NT5DC4: variants seen among roughly 807,000 people sequenced by gnomAD.
NT5DC4 encodes 5'-nucleotidase domain-containing protein 4.
A neutral mutation model predicts 26.6 loss-of-function variants in NT5DC4; 44 were observed. That is an observed-to-expected ratio of 1.65 (90% CI 1.30 to 2.13). NT5DC4 has a LOEUF of 2.13. Ranked by LOEUF, NT5DC4 falls within the 30% of genes most tolerant of loss-of-function variation. The pLI, the probability that NT5DC4 is intolerant of heterozygous loss-of-function variation, is 0.00. For missense variants in NT5DC4, 399 were observed against 228.1 expected, an observed-to-expected ratio of 1.75 and a Z score of -4.83; for synonymous variants, 157 against 86.7, an observed-to-expected ratio of 1.81 and a Z score of -4.51.
chr2:112,730,192 A>G (rs1213512516), intron 16 of NT5DC4, among the ~76,000 whole-genome samples: 1 of 151,124 alleles, frequency 6.6e-6, no homozygotes, highest in East Asian at 2.0e-4. Context: ...GGAAGCCTCT[A>G]GTCCCAGCTA....
chr2:112,722,856 C>T (rs2104711772), intron 6 of NT5DC4, 85 bp downstream of exon 6: 2 of 440,166 alleles, frequency 4.5e-6, no homozygotes, highest in Non-Finnish European at 9.1e-6. Context: ...CCCCCAAGGG[C>T]TCCCCAAGAG....
chr2:112,724,764 G>A lies in NT5DC4; in HGVS notation c.790-17G>A, dbSNP rs1305183920. On this transcript the variant is annotated splice_polypyrimidine_tract_variant and intron_variant, in intron 10 of 16. Transcript: ENST00000688554. ...TTACCAGGCTGTGTGTGTGCAGCCC[G>A]TGTGCACCCCCAACAGGCTGAAGCC... is the stretch of plus-strand genomic sequence containing the variant. 10 of 716,730 alleles carry A rather than the reference G, an allele frequency of 1.4e-5. 1 individual carries two copies. The highest frequency in any genetic ancestry group is 1.2e-4 in the South Asian group (8 of 67,580). The allele number at this position is 716,730 out of a possible 1,614,324, so 44.4% of individuals were successfully genotyped here.
Position 112,725,542 on chromosome 2 carries a change from C to T in NT5DC4, c.1143C>T (p.Ala381=), listed in dbSNP as rs1677592890. The T allele has an allele frequency of 1.4e-6, 1 of 708,048 alleles. No homozygotes were observed. 43.9% of individuals were successfully genotyped at this position (708,048 alleles called of 1,614,324 possible). A position where few individuals can be genotyped will look rare whatever the true frequency, so the allele number is the denominator to read the frequency against. ...TGTCCTGGGAGCTGGACATCTGGGC[C>T]CAGGAGAAGGGTGAGCTGTTGGGGT... ...PELSWELDIW[A]QEKERLEELK... The change falls in exon 13 of 17, where the codon GCC becomes GCT. Residue 381 remains alanine (A), a synonymous_variant. Transcript: ENST00000688554.
At chr2:112,734,169 A>ATATATATGTGTGTGTGTGTG (rs150412692) in intron 16 of NT5DC4, among the ~76,000 whole-genome samples, 18 of 134,864 alleles carry the variant, frequency 1.3e-4, no homozygotes, top group South Asian at 1.0e-3. Flanking sequence ...TATTATATAT[A>ATATATATGTGTGTGTGTGTG]TGTGTGTGTG....
chr2:112,722,844 G>GC (rs1308836110), intron 6 of NT5DC4, 73 bp downstream of exon 6: 29 of 715,086 alleles, frequency 4.1e-5, no homozygotes, highest in Admixed American at 8.0e-5. Flanking sequence ...CCAAAGAGGG[G>GC]CCCCCCAAGG....
At chr2:112,733,504 C>T (rs1276935415) in intron 16 of NT5DC4, among the ~76,000 whole-genome samples, 1 of 152,212 alleles carries the variant, frequency 6.6e-6, no homozygotes, top group African/African-American at 2.4e-5. Flanking sequence ...GTCCAACTTC[C>T]AATCCGTGAC....
chr2:112,739,087 T>C lies in NT5DC4; in HGVS notation c.*151T>C, dbSNP rs1679651491. ...AGAGATGCATTAAAAACCTTATCAT[T>C]TAAAAAAATTATCTTTATTATTTTT... On this transcript the variant is annotated 3_prime_UTR_variant, in exon 17 of 17. Coordinates refer to ENST00000688554, the MANE Select transcript of NT5DC4 (RefSeq NM_001393655.1). 1 of 1,430,780 alleles carries C rather than the reference T, an allele frequency of 7.0e-7. No individual in the cohort carries two copies. 88.6% of individuals were successfully genotyped at this position (1,430,780 alleles called of 1,614,324 possible).
chr2:112,725,518 G>C lies in NT5DC4; in HGVS notation c.1119G>C (p.Leu373=), dbSNP rs1677590140. ...GGACTTGCCTGGTGGTTCCTGAGCTGTCCTGGGAGCTGGACATCTGGGCCC... is the reference window on the plus strand; with the variant it reads ...GGACTTGCCTGGTGGTTCCTGAGCTCTCCTGGGAGCTGGACATCTGGGCCC... ...GWRTCLVVPE[L]SWELDIWAQE... is the part of the protein sequence containing the mutation. The change falls in exon 13 of 17, where the codon CTG becomes CTC. Residue 373 remains leucine, a synonymous_variant. Coordinates refer to ENST00000688554, the MANE Select transcript of NT5DC4 (RefSeq NM_001393655.1). 2.8e-6 allele frequency: 2 copies of C among 715,752 alleles called. No individual in the cohort carries two copies. The highest frequency in any genetic ancestry group is 2.0e-5 in the Admixed American group (1 of 49,882). 44.3% of individuals were successfully genotyped at this position (715,752 alleles called of 1,614,324 possible).
upstream of NT5DC4, among the ~76,000 whole-genome samples, chr2:112,719,365 A>G (rs1676619840): frequency 1.3e-5 from 2 of 148,334 alleles, no homozygotes; most frequent in African/African-American, 4.9e-5. Context: ...TTCCATGGAT[A>G]TGTTTTTCTG....
At chr2:112,723,675 C>T (rs754789357) in intron 8 of NT5DC4, 44 bp from the exon 9 acceptor site, 4 of 710,780 alleles carry the variant, frequency 5.6e-6, no homozygotes, top group Non-Finnish European at 1.0e-5. Flanking sequence ...CCCAGGGCAG[C>T]TCTGGGAGTC....
chr2:112,724,606 C>A, intron 10 of NT5DC4, 175 bp from the exon 11 acceptor site: 1 of 609,692 alleles, frequency 1.6e-6, no homozygotes, highest in East Asian at 2.8e-5. Context: ...TTGAGCACTT[C>A]CTAGTGCCCA....
Position 112,724,687 on chromosome 2 carries a change from T to C in NT5DC4, c.790-94T>C, listed in dbSNP as rs987791680. 7.4e-6 allele frequency: 5 copies of C among 674,510 alleles called. No individual in the cohort carries two copies. The African/African-American group carries it at 8.9e-5, about 12-fold the overall frequency. The allele number at this position is 674,510 out of a possible 1,614,324, so 41.8% of individuals were successfully genotyped here. A position where few individuals can be genotyped will look rare whatever the true frequency, so the allele number is the denominator to read the frequency against. On this transcript the variant is annotated intron_variant, in intron 10 of 16. Coordinates refer to ENST00000688554, the MANE Select transcript of NT5DC4 (RefSeq NM_001393655.1). ...GAAGAGGTCTCATCCAGCTGGGAGG[T>C]TGGTGGGGAGAGGCAGGCTGTGGTG...
upstream of NT5DC4, among the ~76,000 whole-genome samples, chr2:112,719,986 C>CTTTCT (rs1676738061): frequency 1.3e-5 from 1 of 75,272 alleles, no homozygotes; most frequent in Non-Finnish European, 2.8e-5. Flanking sequence ...TTCTTTCTTT[C>CTTTCT]TTTTTCTTTT....
rs987377649 is a variant in NT5DC4, at chr2:112,722,805, C to A, written c.527+34C>A. 6 of 715,792 alleles carry A rather than the reference C, an allele frequency of 8.4e-6. No homozygotes were observed. The African/African-American group carries it at 1.1e-4, about 13-fold the overall frequency. The allele number at this position is 715,792 out of a possible 1,614,324, so 44.3% of individuals were successfully genotyped here. ...TGTGCCCTGCCCAGCCCTGGGACGACCAGTAGGACACTGCTCAGGGACCAA... is the reference window on the plus strand; with the variant it reads ...TGTGCCCTGCCCAGCCCTGGGACGAACAGTAGGACACTGCTCAGGGACCAA... On this transcript the variant is annotated intron_variant, in intron 6 of 16. Coordinates refer to ENST00000688554, the MANE Select transcript of NT5DC4 (RefSeq NM_001393655.1).
chr2:112,731,917 C>CTTTT (rs749249208), intron 16 of NT5DC4, among the ~76,000 whole-genome samples: 51 of 108,604 alleles, frequency 4.7e-4, no homozygotes, highest in Admixed American at 1.1e-3. Flanking sequence ...AGAGAGTTTA[C>CTTTT]TTTTTTTTTT....
chr2:112,726,877 A>C (rs1290895297), intron 15 of NT5DC4, 139 bp downstream of exon 15: 4 of 665,016 alleles, frequency 6.0e-6, no homozygotes, highest in Non-Finnish European at 1.1e-5. Flanking sequence ...CCTGGGCTCC[A>C]CCTGCCTTGT....
At chr2:112,724,747 C>CTT (rs1357213671) in intron 10 of NT5DC4, 34 bp from the exon 11 acceptor site, 3 of 715,488 alleles carry the variant, frequency 4.2e-6, no homozygotes, top group South Asian at 1.5e-5. Context: ...ATTTACCAGG[C>CTT]TGTGTGTGTG....
At chr2:112,730,615 T>C (rs1411156919) in intron 16 of NT5DC4, among the ~76,000 whole-genome samples, 1 of 152,220 alleles carries the variant, frequency 6.6e-6, no homozygotes, top group African/African-American at 2.4e-5. Flanking sequence ...CGTTGGGTTC[T>C]GCACCCCCAA....
At chr2:112,735,038 AT>A (rs70965024) in intron 16 of NT5DC4, among the ~76,000 whole-genome samples, 792 of 94,436 alleles carry the variant, frequency 8.4e-3, no homozygotes, top group African/African-American at 0.014. Flanking sequence ...AGGCAAGAAC[AT>A]TTTTTTTTTT....
Sources: gnomAD v4.1 joint callset for allele counts (sites outside exome capture counted in the v4.1 genomes callset) on GRCh38, gnomAD v4.1.1 for gene constraint, MANE v1.5 for transcripts, NCBI Gene and HGNC (gene_info 2026-07-23, HGNC 2026-07-21) for gene names.